ZNF217: variants seen among roughly 807,000 people sequenced by gnomAD.
ZNF217 encodes zinc finger protein 217.
A neutral mutation model predicts 73.3 loss-of-function variants in ZNF217; 12 were observed. The observed-to-expected ratio is 0.16, with a 90% CI of 0.10 to 0.27. The LOEUF is 0.27. ZNF217 is among the 10% of genes least tolerant of loss of function. The probability of loss-of-function intolerance (pLI) is 1.00; values close to 1 mark genes in which losing one functional copy is unlikely to be tolerated. For missense variants in ZNF217, 1,195 were observed against 1,327.8 expected (o/e 0.90, Z 1.55); for synonymous variants, 588 against 516.4 (o/e 1.14, Z -1.88).
intron 4 of ZNF217, chr20:53,574,907 TGAAGTGAGGCAA>T (rs1286124953): frequency 6.6e-6 from 1 of 152,152 alleles, no homozygotes; most frequent in African/African-American, 2.4e-5. Context: ...AGGGCTGTGA[TGAAGTGAGGCAA>T]GCTGGGGCCT....
chr20:53,593,480 C>T (rs1275621353), intron 1 of ZNF217, among the ~76,000 whole-genome samples: 1 of 151,732 alleles, frequency 6.6e-6, no homozygotes, highest in African/African-American at 2.4e-5. Flanking sequence ...CAGGGAACCC[C>T]GCACCCCAAG....
chr20:53,593,408 C>T (rs1404242051), intron 1 of ZNF217, among the ~76,000 whole-genome samples: 3 of 152,038 alleles, frequency 2.0e-5, no homozygotes, highest in African/African-American at 7.2e-5. Flanking sequence ...GCGGGGCGAC[C>T]CAACTTTTCG....
chr20:53,579,886 C>G (rs1189359202), intron 2 of ZNF217, among the ~76,000 whole-genome samples: 1 of 152,234 alleles, frequency 6.6e-6, no homozygotes, highest in African/African-American at 2.4e-5. Flanking sequence ...CAGAACTCAA[C>G]GCCAAGCTGG....
intron 1 of ZNF217, among the ~76,000 whole-genome samples, chr20:53,592,376 T>C (rs550585264): frequency 3.7e-4 from 53 of 142,140 alleles, no homozygotes; most frequent in African/African-American, 1.4e-3. Flanking sequence ...TGACTACCCT[T>C]TTCTGGGGGG....
At position 53,581,411 on chromosome 20, in the gene ZNF217, GAC is replaced by G. The variant is rs1988476694; in HGVS notation, c.1366+48_1366+49del. 2 of 1,195,572 alleles carry G rather than the reference GAC, an allele frequency of 1.7e-6. No homozygotes were observed. Among genetic ancestry groups the G allele is most frequent in the South Asian group, 1.7e-5 (1 of 58,586 alleles). 74.1% of individuals were successfully genotyped at this position (1,195,572 alleles called of 1,614,324 possible). On this transcript the variant is annotated intron_variant, in intron 2 of 5. Coordinates refer to ENST00000371471, the MANE Select transcript of ZNF217 (RefSeq NM_006526.3). The surrounding 1 kb of genome is among the most constrained non-coding windows in gnomAD (Gnocchi z 4.9). ...GGGAATAGAGAGGGGGAGACGGGGAGACAGACAGACACAGGCGGAACAGCACG... is the reference window on the plus strand; with the variant it reads ...GGGAATAGAGAGGGGGAGACGGGGAGAGACAGACACAGGCGGAACAGCACG...
rs1988472407 is a variant in ZNF217, at chr20:53,581,323, A to G, written c.1366+138T>C. ...AAATGACTTACACAGAGTGATACCAAAAAGAGCCTGGACTTGACTCTGGCT... is the reference window on the plus strand; with the variant it reads ...AAATGACTTACACAGAGTGATACCAGAAAGAGCCTGGACTTGACTCTGGCT... On this transcript the variant is annotated intron_variant, in intron 2 of 5. Transcript: ENST00000371471. The surrounding 1 kb of genome is among the most constrained non-coding windows in gnomAD (Gnocchi z 4.9). 1 of 1,252,728 alleles carries G rather than the reference A, an allele frequency of 8.0e-7. No individual in the cohort carries two copies. The highest frequency in any genetic ancestry group is 2.7e-5 in the Admixed American group (1 of 37,150). The allele number at this position is 1,252,728 out of a possible 1,614,324, so 77.6% of individuals were successfully genotyped here. A position where few individuals can be genotyped will look rare whatever the true frequency, so the allele number is the denominator to read the frequency against.
At chr20:53,597,236 A>G (rs1196957197), upstream of ZNF217, among the ~76,000 whole-genome samples, 1 of 152,218 alleles carries the variant, frequency 6.6e-6, no homozygotes, top group Non-Finnish European at 1.5e-5. Flanking sequence ...TGGAACTATT[A>G]TAGAAAAACT....
chr20:53,581,505 G>A lies in ZNF217; in HGVS notation c.1322C>T (p.Ser441Phe), dbSNP rs1988482086. Residue 441 changes from serine (S) to phenylalanine (F), a missense_variant, in exon 2 of 6, where the codon TCT becomes TTT. Around this residue, in one of 9 missense-constraint regions of ZNF217, gnomAD observed 116 missense variants for 121.9 expected, o/e 0.95. Coordinates refer to ENST00000371471, the MANE Select transcript of ZNF217 (RefSeq NM_006526.3). This position sits in a 1 kb window ranked among gnomAD's most constrained non-coding sequence, Gnocchi z 4.9. ...AAGCCCATCCTCAGATCCGTCTTCA[G>A]AACCACCTTCCCCTCGATCCACGGC... ...NGAVDRGEGGSEDGSEDGLPE... is the reference protein window; with the variant it reads ...NGAVDRGEGGFEDGSEDGLPE... 3 of 1,613,608 alleles carry A rather than the reference G, an allele frequency of 1.9e-6. No individual in the cohort carries two copies. Among genetic ancestry groups the A allele is most frequent in the South Asian group, 2.2e-5 (2 of 91,074 alleles).
chr20:53,577,134 C>A lies in ZNF217; in HGVS notation c.1630G>T (p.Asp544Tyr). 6.2e-7 allele frequency: 1 copy of A among 1,614,200 alleles called. No homozygotes were observed. Among genetic ancestry groups the A allele is most frequent in the Non-Finnish European group, 8.5e-7 (1 of 1,180,046 alleles). Residue 544 changes from aspartate to tyrosine, a missense_variant, in exon 4 of 6, where the codon GAT (aspartate) becomes TAT (tyrosine). Transcript: ENST00000371471. ...KNDGKNQDTE[D>Y]ALLTADSAQT... ...GCACTGTCAGCGGTTAATAGTGCAT[C>A]TTCAGTGTCCTGATTTTTACCATCG...
intron 1 of ZNF217, among the ~76,000 whole-genome samples, chr20:53,587,760 G>A (rs2145973302): frequency 6.7e-6 from 1 of 149,346 alleles, no homozygotes; most frequent in East Asian, 2.0e-4. Flanking sequence ...GACCTGGCTA[G>A]AAGTTTACAT....
At chr20:53,590,981 TC>T (rs1988859387) in intron 1 of ZNF217, among the ~76,000 whole-genome samples, 1 of 152,126 alleles carries the variant, frequency 6.6e-6, no homozygotes, top group African/African-American at 2.4e-5. Context: ...AAAATGCAAA[TC>T]TACCCCCACC....
intron 1 of ZNF217, among the ~76,000 whole-genome samples, chr20:53,592,047 C>G (rs1286145298): frequency 1.3e-5 from 2 of 152,210 alleles, no homozygotes; most frequent in African/African-American, 4.8e-5. Context: ...AATCTCATGT[C>G]AAGTCATTCA....
rs535714506 is a variant in ZNF217 at position 53,576,236 on chromosome 20, G to A, written c.2528C>T (p.Pro843Leu). 6.2e-7 allele frequency: 1 copy of A among 1,614,232 alleles called. No homozygotes were observed. Among genetic ancestry groups the A allele is most frequent in the Non-Finnish European group, 8.5e-7 (1 of 1,180,044 alleles). Residue 843 changes from proline (P) to leucine (L), a missense_variant, in exon 4 of 6, where the codon CCT (proline) becomes CTT (leucine). By Grantham distance (98) the Pro-to-Leu change is moderately conservative (BLOSUM62 -3). Coordinates refer to ENST00000371471, the MANE Select transcript of ZNF217 (RefSeq NM_006526.3). ...CGGTGCAGGGGAAACACTGGTTTTA[G>A]GAAACATCTCAGATTGCTGTTGCCT... ...ATRQQQSEMFPKTSVSPAPDK... is the reference protein window; with the variant it reads ...ATRQQQSEMFLKTSVSPAPDK...
intron 4 of ZNF217, among the ~76,000 whole-genome samples, chr20:53,573,393 C>T (rs1230296886): frequency 6.6e-6 from 1 of 152,148 alleles, no homozygotes; most frequent in Non-Finnish European, 1.5e-5. Context: ...CCTTGTAGTA[C>T]TATTAATTTG....
Position 53,582,818 on chromosome 20 carries a change from C to G in ZNF217, c.9G>C (p.Ser3=). 1 of 1,598,200 alleles carries G rather than the reference C, an allele frequency of 6.3e-7. No individual in the cohort carries two copies. Among genetic ancestry groups the G allele is most frequent in the Non-Finnish European group, 8.5e-7 (1 of 1,170,450 alleles). The change falls in exon 2 of 6, where the codon TCG becomes TCC. Residue 3 remains serine, a synonymous_variant. Transcript: ENST00000371471. This position sits in a 1 kb window ranked among gnomAD's most constrained non-coding sequence, Gnocchi z 4.8. MQ[S]KVTGNMPTQS... ...GAGTTGGCATGTTTCCTGTCACTTT[C>G]GATTGCATATAATCTCAAAGTTCCG...
chr20:53,591,471 G>T (rs900658477), intron 1 of ZNF217, among the ~76,000 whole-genome samples: 4 of 151,774 alleles, frequency 2.6e-5, no homozygotes, highest in African/African-American at 4.9e-5. Context: ...AATAAATGAT[G>T]AATCTGCCTT....
chr20:53,580,827 C>T (rs6068588), intron 2 of ZNF217, among the ~76,000 whole-genome samples: 3 of 150,404 alleles, frequency 2.0e-5, no homozygotes, highest in Non-Finnish European at 4.5e-5. Context: ...AAATAATATT[C>T]CTGGCTCTAG....
Position 53,578,464 on chromosome 20 carries a change from C to CA in ZNF217, c.1367-15dup, listed in dbSNP as rs746349850. 6.6e-7 allele frequency: 1 copy of CA among 1,503,768 alleles called. No individual in the cohort carries two copies. The highest frequency in any genetic ancestry group is 9.0e-7 in the Non-Finnish European group (1 of 1,110,154). 93.2% of individuals were successfully genotyped at this position (1,503,768 alleles called of 1,614,324 possible). A position where few individuals can be genotyped will look rare whatever the true frequency, so the allele number is the denominator to read the frequency against. Reference sequence around the variant, plus strand: ...CATCATTTTTATCTTAAAGGAAAAACAAAAATATTTATATAAGAAGGTAGC... The same window carrying CA: ...CATCATTTTTATCTTAAAGGAAAAACAAAAAATATTTATATAAGAAGGTAGC... On this transcript the variant is annotated splice_polypyrimidine_tract_variant and intron_variant, in intron 2 of 5. Coordinates refer to ENST00000371471, the MANE Select transcript of ZNF217 (RefSeq NM_006526.3).
At chr20:53,578,312 T>TA (rs1406202927) in intron 3 of ZNF217, 22 bp downstream of exon 3, 6 of 1,505,488 alleles carry the variant, frequency 4.0e-6, no homozygotes, top group Non-Finnish European at 5.4e-6. Context: ...AATGCATGGT[T>TA]AAAAAAATAA....
Sources: allele counts gnomAD v4.1 joint callset (sites outside exome capture counted in the v4.1 genomes callset), GRCh38; gene constraint gnomAD v4.1.1; regional missense constraint gnomAD v4.1.1; non-coding constraint Gnocchi (gnomAD v3.1); transcripts MANE v1.5; gene names NCBI Gene and HGNC (gene_info 2026-07-23, HGNC 2026-07-21).